FHIT: variants seen among roughly 807,000 people sequenced by gnomAD.
FHIT encodes fragile histidine triad diadenosine triphosphatase.
A neutral mutation model predicts 17.9 loss-of-function variants in FHIT; 19 were observed. The observed-to-expected ratio is 1.06, with a 90% CI of 0.74 to 1.56. The LOEUF is 1.56. Ranked by LOEUF, FHIT falls within the 40% of genes most tolerant of loss-of-function variation. FHIT has a pLI of 0.00. For missense variants in FHIT, 248 were observed against 189.2 expected (o/e 1.31, Z -1.82); for synonymous variants, 81 against 69.7 (o/e 1.16, Z -0.81).
intron 3 of FHIT, among the ~76,000 whole-genome samples, chr3:60,956,927 G>A (rs1287148314): frequency 6.6e-6 from 1 of 152,030 alleles, no homozygotes; most frequent in Non-Finnish European, 1.5e-5. Context: ...GGGTCACACT[G>A]GGCAAACCTG....
chr3:61,210,634 C>T (rs544377846), intron 1 of FHIT, among the ~76,000 whole-genome samples: 7 of 152,328 alleles, frequency 4.6e-5, no homozygotes, highest in African/African-American at 9.6e-5. Flanking sequence ...CCTGGTGTGC[C>T]GTTTGTTAAT....
intron 7 of FHIT, among the ~76,000 whole-genome samples, chr3:59,981,117 A>G (rs1575810528): frequency 6.6e-6 from 1 of 152,174 alleles, no homozygotes; most frequent in African/African-American, 2.4e-5. Flanking sequence ...ATGGAGAAAT[A>G]AGTTTGAAAA....
intron 5 of FHIT, among the ~76,000 whole-genome samples, chr3:60,365,266 G>A (rs1700061588): frequency 6.6e-6 from 1 of 151,702 alleles, no homozygotes. Flanking sequence ...AATGCATATG[G>A]AGGAGAGGGA....
At chr3:60,623,989 A>G (rs938011938) in intron 4 of FHIT, among the ~76,000 whole-genome samples, 1 of 152,220 alleles carries the variant, frequency 6.6e-6, no homozygotes, top group Admixed American at 6.5e-5. Context: ...ACATGAACAG[A>G]TAATTATGGC....
chr3:60,061,920 T>C (rs1400688761), intron 5 of FHIT, among the ~76,000 whole-genome samples: 4 of 151,836 alleles, frequency 2.6e-5, no homozygotes, highest in Admixed American at 1.3e-4. Context: ...GAAAGAGAAA[T>C]TGGCAAAACA....
At chr3:60,095,699 TA>T (rs1377230322) in intron 5 of FHIT, among the ~76,000 whole-genome samples, 1 of 152,180 alleles carries the variant, frequency 6.6e-6, no homozygotes, top group Admixed American at 6.5e-5. Context: ...CATTGTAAGT[TA>T]AAGAATCAAA....
chr3:59,748,900 A>G lies in FHIT; in HGVS notation c.*685T>C, dbSNP rs1313911467. Among the ~76,000 whole-genome samples the G allele has an allele frequency of 6.6e-6, 1 of 152,176 alleles. No homozygotes were observed. The highest frequency in any genetic ancestry group is 2.4e-5 in the African/African-American group (1 of 41,448). On this transcript the variant is annotated 3_prime_UTR_variant, in exon 10 of 10. Coordinates refer to ENST00000492590, the MANE Select transcript of FHIT (RefSeq NM_002012.4). ...GCAAGTGTGTTGGCTAGTGTTATCA[A>G]TTCCAGGGCTGAGCCCTATCATGTC...
chr3:60,554,997 G>A (rs78281729), intron 4 of FHIT, among the ~76,000 whole-genome samples: 21 of 152,156 alleles, frequency 1.4e-4, no homozygotes, highest in African/African-American at 4.3e-4. Context: ...AATATCTAAC[G>A]GTGTTATTCA....
intron 4 of FHIT, among the ~76,000 whole-genome samples, chr3:60,620,294 G>A (rs1252254016): frequency 1.3e-5 from 2 of 152,024 alleles, no homozygotes; most frequent in East Asian, 1.9e-4. Flanking sequence ...TATAATCCTT[G>A]GTATTTACCC....
chr3:59,752,284 CA>C lies in FHIT; in HGVS notation c.385del (p.Trp129GlyfsTer50). On this transcript the variant is annotated frameshift_variant, in exon 9 of 10. Transcript: ENST00000492590. LOFTEE classifies it high-confidence loss of function. ...TGCTGCCATTTCCTCCTCTGATCTCCAAGAGGCAGGAAAGTCCTCCTTGTCA... is the reference window on the plus strand; with the variant it reads ...TGCTGCCATTTCCTCCTCTGATCTCCAGAGGCAGGAAAGTCCTCCTTGTCA... ...KHDKEDFPASWRSEEEMAAEA... is the reference protein window; with the variant it reads ...KHDKEDFPASXRSEEEMAAEA... 6.2e-7 allele frequency: 1 copy of C among 1,613,006 alleles called. No homozygotes were observed. The highest frequency in any genetic ancestry group is 8.5e-7 in the Non-Finnish European group (1 of 1,179,560).
chr3:60,259,003 A>G (rs370990853), intron 5 of FHIT, among the ~76,000 whole-genome samples: 2 of 151,904 alleles, frequency 1.3e-5, no homozygotes, highest in African/African-American at 4.8e-5. Flanking sequence ...TATGTTCTCA[A>G]ATATCAAGAT....
Position 59,788,881 on chromosome 3 carries a change from G to T in FHIT, c.349-36560C>A, listed in dbSNP as rs74801077. On this transcript the variant is annotated intron_variant, in intron 8 of 9. Transcript: ENST00000492590. Reference sequence around the variant, plus strand: ...ACCACGTTCTTTGCTGAGTTCATATGTTTTTTTTTTTTACCCCATCTCCAA... The same window carrying T: ...ACCACGTTCTTTGCTGAGTTCATATTTTTTTTTTTTTTACCCCATCTCCAA... 1.8e-3 allele frequency among the ~76,000 whole-genome samples: 154 copies of T among 86,768 alleles called. 4 individuals are homozygous for T. Among genetic ancestry groups the T allele is most frequent in the South Asian group, 4.2e-3 (9 of 2,156 alleles). The allele number at this position is 86,768 out of a possible 152,430, so 56.9% of individuals were successfully genotyped here. A position where few individuals can be genotyped will look rare whatever the true frequency, so the allele number is the denominator to read the frequency against.
Position 60,044,736 on chromosome 3 carries a change from T to G in FHIT, c.104-30584A>C, listed in dbSNP as rs1271358124. On this transcript the variant is annotated intron_variant, in intron 5 of 9. Transcript: ENST00000492590. ...ATACCTCATTCCACTGTTACAAGCT[T>G]TCTTCTAAATGAGGAATCATCAAAA... Among the ~76,000 whole-genome samples, 3 of 152,206 alleles carry G rather than the reference T, an allele frequency of 2.0e-5. No homozygotes were observed. The East Asian group carries it at 5.8e-4, about 29-fold the overall frequency.
chr3:59,934,275 G>A (rs1451577162), intron 7 of FHIT, among the ~76,000 whole-genome samples: 1 of 152,114 alleles, frequency 6.6e-6, no homozygotes, highest in Non-Finnish European at 1.5e-5. Flanking sequence ...AACGTGGAAT[G>A]AGGAGGTCTG....
chr3:60,879,542 C>T (rs1440809658), intron 3 of FHIT, among the ~76,000 whole-genome samples: 1 of 152,060 alleles, frequency 6.6e-6, no homozygotes, highest in Non-Finnish European at 1.5e-5. Context: ...GCCAAAGGAA[C>T]AAAATAACTC....
intron 4 of FHIT, among the ~76,000 whole-genome samples, chr3:60,660,329 C>A (rs527823471): frequency 5.7e-4 from 86 of 152,212 alleles, no homozygotes; most frequent in African/African-American, 2.1e-3. Context: ...ATGACAGTGG[C>A]CTTTTTGCAC....
At position 60,170,735 on chromosome 3, in the gene FHIT, A is replaced by G. The variant is rs1472516801; in HGVS notation, c.104-156583T>C. Among the ~76,000 whole-genome samples, 5 of 152,200 alleles carry G rather than the reference A, an allele frequency of 3.3e-5. No homozygotes were observed. The East Asian group carries it at 7.7e-4, about 23-fold the overall frequency. ...CTGGGGAAAAAAATAACATTCTCCCATATCTATCTGACCCCAGAAAAATTA... is the reference window on the plus strand; with the variant it reads ...CTGGGGAAAAAAATAACATTCTCCCGTATCTATCTGACCCCAGAAAAATTA... On this transcript the variant is annotated intron_variant, in intron 5 of 9. Coordinates refer to ENST00000492590, the MANE Select transcript of FHIT (RefSeq NM_002012.4).
intron 5 of FHIT, among the ~76,000 whole-genome samples, chr3:60,381,046 C>A (rs763238428): frequency 4.6e-5 from 7 of 152,080 alleles, no homozygotes; most frequent in Non-Finnish European, 8.8e-5. Flanking sequence ...TTAACATAAC[C>A]AAAAAGTTCA....
chr3:60,568,730 T>C (rs2037232478), intron 4 of FHIT, among the ~76,000 whole-genome samples: 1 of 152,164 alleles, frequency 6.6e-6, no homozygotes, highest in South Asian at 2.1e-4. Flanking sequence ...TTAGGCATTT[T>C]AAAAGGCCAT....
Sources: allele counts gnomAD v4.1 joint callset (sites outside exome capture counted in the v4.1 genomes callset), GRCh38; gene constraint gnomAD v4.1.1; transcripts MANE v1.5; gene names NCBI Gene and HGNC (gene_info 2026-07-23, HGNC 2026-07-21).